The following PIK3CD variants were observed in gnomAD, a reference collection of about 807,000 sequenced individuals.
The protein encoded by PIK3CD is phosphatidylinositol-4,5-bisphosphate 3-kinase catalytic subunit delta.
Under a neutral mutation model 122.9 loss-of-function variants are expected in PIK3CD, and 20 were observed. The observed-to-expected ratio is 0.16, with a 90% CI of 0.11 to 0.24. The LOEUF is 0.24. Ranked by LOEUF, PIK3CD falls within the 10% of genes least tolerant of loss-of-function variation. The probability of loss-of-function intolerance (pLI) is 1.00; values close to 1 mark genes in which losing one functional copy is unlikely to be tolerated. For synonymous variants in PIK3CD, 596 were observed against 593.4 expected (o/e 1.00, Z -0.06); for missense variants, 787 against 1,406.3 (o/e 0.56, Z 7.04).
At chr1:9,706,377 C>A (rs938993124) in intron 2 of PIK3CD, among the ~76,000 whole-genome samples, 2 of 151,648 alleles carry the variant, frequency 1.3e-5, no homozygotes, top group Non-Finnish European at 2.9e-5. Context: ...CCTGTAGTCT[C>A]AGCCACTCAG....
intron 1 of PIK3CD, among the ~76,000 whole-genome samples, chr1:9,679,214 C>T (rs1645656134): frequency 1.3e-5 from 2 of 151,902 alleles, no homozygotes; most frequent in Admixed American, 1.3e-4. Context: ...ATTACAGGCA[C>T]GTGCCACCAT....
chr1:9,682,540 G>T (rs755376639), intron 1 of PIK3CD, among the ~76,000 whole-genome samples: 1 of 148,072 alleles, frequency 6.8e-6, no homozygotes, highest in African/African-American at 2.5e-5. Context: ...GTCTGGCCTG[G>T]GTATTTATTT....
intron 1 of PIK3CD, among the ~76,000 whole-genome samples, chr1:9,664,045 CTTTCTTTTTTT>C (rs1400542889): frequency 7.3e-6 from 1 of 137,790 alleles, no homozygotes; most frequent in East Asian, 2.6e-4. Flanking sequence ...CTTTTTCTTT[CTTTCTTTTTTT>C]TTTTTTTTTT....
chr1:9,710,829 A>G lies in PIK3CD; in HGVS notation c.141+233A>G, dbSNP rs1190388281. On this transcript the variant is annotated intron_variant, in intron 3 of 23. Coordinates refer to ENST00000377346, the MANE Select transcript of PIK3CD (RefSeq NM_005026.5). The surrounding 1 kb of genome is among the most constrained non-coding windows in gnomAD (Gnocchi z 4.7). Reference sequence around the variant, plus strand: ...AGACGGAGTTTCGCTCTTATTGCCCAGGCTGGTGTGCAATGGCGCAATCTC... The same window carrying G: ...AGACGGAGTTTCGCTCTTATTGCCCGGGCTGGTGTGCAATGGCGCAATCTC... 6.6e-6 allele frequency among the ~76,000 whole-genome samples: 1 copy of G among 152,184 alleles called. No individual in the cohort carries two copies. The highest frequency in any genetic ancestry group is 1.5e-5 in the Non-Finnish European group (1 of 68,024).
chr1:9,681,336 C>G, intron 1 of PIK3CD, among the ~76,000 whole-genome samples: 1 of 152,266 alleles, frequency 6.6e-6, no homozygotes, highest in East Asian at 1.9e-4. Flanking sequence ...CTCCTGGGCT[C>G]AAGCAACCCT....
At chr1:9,647,481 AATTATTATTATTATTATT>A (rs61118085), upstream of PIK3CD, among the ~76,000 whole-genome samples, 1 of 139,450 alleles carries the variant, frequency 7.2e-6, no homozygotes. Flanking sequence ...TCATGATTCT[AATTATTATTATTATTATT>A]ATTATTATTA....
chr1:9,720,830 A>G lies in PIK3CD; in HGVS notation c.1610A>G (p.Glu537Gly). 6.2e-7 allele frequency: 1 copy of G among 1,612,936 alleles called. No individual in the cohort carries two copies. Among genetic ancestry groups the G allele is most frequent in the Non-Finnish European group, 8.5e-7 (1 of 1,179,720 alleles). ...GACCTGGTGTGGAAGCTGCGGCATGAAGTCCAGGAGCACTTCCCGGAGGCG... is the reference window on the plus strand; with the variant it reads ...GACCTGGTGTGGAAGCTGCGGCATGGAGTCCAGGAGCACTTCCCGGAGGCG... ...EKDLVWKLRH[E>G]VQEHFPEALA... Residue 537 changes from glutamate (E) to glycine (G), a missense_variant, in exon 13 of 24, where the codon GAA becomes GGA. Physicochemically the swap from Glu to Gly is moderately conservative, Grantham distance 98. This residue lies in a region of PIK3CD where 592 missense variants were observed against 920.6 expected (regional missense o/e 0.64). Coordinates refer to ENST00000377346, the MANE Select transcript of PIK3CD (RefSeq NM_005026.5). This position sits in a 1 kb window ranked among gnomAD's most constrained non-coding sequence, Gnocchi z 9.0.
chr1:9,628,914 G>A, the PIK3CD span, among the ~76,000 whole-genome samples: 1 of 152,144 alleles, frequency 6.6e-6, no homozygotes, highest in Non-Finnish European at 1.5e-5. Context: ...GGAAAAGGTT[G>A]GGCGGTGGGA....
the PIK3CD span, among the ~76,000 whole-genome samples, chr1:9,643,099 A>G: frequency 9.3e-5 from 13 of 139,888 alleles, no homozygotes; most frequent in Admixed American, 1.5e-4. Context: ...AAGAAGAGAA[A>G]GGAAGAAAAG....
At chr1:9,705,014 A>G (rs915221441) in intron 2 of PIK3CD, among the ~76,000 whole-genome samples, 5 of 152,198 alleles carry the variant, frequency 3.3e-5, no homozygotes, top group Non-Finnish European at 4.4e-5. Context: ...CTGCCACCCA[A>G]TCAACACCTG....
the PIK3CD span, among the ~76,000 whole-genome samples, chr1:9,637,098 T>C: frequency 6.6e-6 from 1 of 152,092 alleles, no homozygotes; most frequent in Non-Finnish European, 1.5e-5. Context: ...GGGGTTTCAC[T>C]GTGTTAGCCA....
Position 9,719,656 on chromosome 1 carries a change from G to T in PIK3CD, c.1243-265G>T, listed in dbSNP as rs928045793. ...AGCCTGGGTGACAGAGCAAGACTCC[G>T]TCTCAAAAAAAAAAAAAAGCCTGAG... On this transcript the variant is annotated intron_variant, in intron 9 of 23. Coordinates refer to ENST00000377346, the MANE Select transcript of PIK3CD (RefSeq NM_005026.5). This position sits in a 1 kb window ranked among gnomAD's most constrained non-coding sequence, Gnocchi z 5.5. 1.5e-5 allele frequency among the ~76,000 whole-genome samples: 2 copies of T among 131,574 alleles called. No individual in the cohort carries two copies. The highest frequency in any genetic ancestry group is 3.6e-5 in the Non-Finnish European group (2 of 55,872). 86.3% of individuals were successfully genotyped at this position (131,574 alleles called of 152,430 possible).
At chr1:9,712,947 G>A (rs578012641) in intron 3 of PIK3CD, among the ~76,000 whole-genome samples, 6 of 152,158 alleles carry the variant, frequency 3.9e-5, no homozygotes, top group East Asian at 3.9e-4. Flanking sequence ...TTTGGGAGGC[G>A]GAAGCGGGTA....
At chr1:9,644,576 C>T in the PIK3CD span, among the ~76,000 whole-genome samples, 1 of 151,810 alleles carries the variant, frequency 6.6e-6, no homozygotes, top group Non-Finnish European at 1.5e-5. Context: ...TCAAGAACAG[C>T]CATCATCGTT....
chr1:9,683,451 A>G (rs1645847136), intron 1 of PIK3CD, among the ~76,000 whole-genome samples: 4 of 120,852 alleles, frequency 3.3e-5, no homozygotes, highest in Non-Finnish European at 6.9e-5. Flanking sequence ...AAAAAAAAAT[A>G]AAAACAACAA....
intron 1 of PIK3CD, among the ~76,000 whole-genome samples, chr1:9,664,049 CTTTTTTTT>C (rs754341558): frequency 9.8e-6 from 1 of 101,754 alleles, no homozygotes; most frequent in Non-Finnish European, 1.8e-5. Context: ...TTCTTTCTTT[CTTTTTTTT>C]TTTTTTTTTT....
chr1:9,695,913 T>C, intron 2 of PIK3CD, among the ~76,000 whole-genome samples: 1 of 150,762 alleles, frequency 6.6e-6, no homozygotes, highest in Admixed American at 6.6e-5. Context: ...TTTCTGAGAA[T>C]TAATTAATTC....
At chr1:9,647,749 A>G (rs369924249), upstream of PIK3CD, among the ~76,000 whole-genome samples, 3 of 152,096 alleles carry the variant, frequency 2.0e-5, no homozygotes, top group African/African-American at 7.2e-5. Flanking sequence ...CAGCCTCCCA[A>G]AGTGTTGGAA....
At chr1:9,726,116 G>A (rs564952488) in intron 23 of PIK3CD, among the ~76,000 whole-genome samples, 32 of 152,270 alleles carry the variant, frequency 2.1e-4, no homozygotes, top group African/African-American at 7.7e-4. Context: ...ATGAGGCTGA[G>A]GCAGAAGAAT....
Sources: allele counts gnomAD v4.1 joint callset (sites outside exome capture counted in the v4.1 genomes callset), GRCh38; gene constraint gnomAD v4.1.1; regional missense constraint gnomAD v4.1.1; non-coding constraint Gnocchi (gnomAD v3.1); transcripts MANE v1.5; gene names NCBI Gene and HGNC (gene_info 2026-07-23, HGNC 2026-07-21).